The following RTN4RL2 variants were observed in gnomAD, a reference collection of about 807,000 sequenced individuals.
RTN4RL2 encodes the protein reticulon 4 receptor like 2.
A neutral mutation model predicts 27.8 loss-of-function variants in RTN4RL2; 9 were observed. The ratio of observed to expected loss-of-function variants is 0.32; its 90% CI spans 0.20 to 0.57. The LOEUF (loss-of-function observed/expected upper bound fraction) is 0.57. Ranked by LOEUF, RTN4RL2 falls within the 20% of genes least tolerant of loss-of-function variation. The pLI, the probability that RTN4RL2 is intolerant of heterozygous loss-of-function variation, is 0.90. For synonymous variants in RTN4RL2, 285 were observed against 297.9 expected (o/e 0.96, Z 0.45); for missense variants, 436 against 596.8 (o/e 0.73, Z 2.81).
intron 1 of RTN4RL2, among the ~76,000 whole-genome samples, chr11:57,466,935 T>G (rs965670527): frequency 3.9e-5 from 6 of 152,184 alleles, no homozygotes. Flanking sequence ...CGAGGAACTA[T>G]CCGGCCCAAC....
chr11:57,469,630 A>G (rs530265573), intron 2 of RTN4RL2, among the ~76,000 whole-genome samples: 2 of 152,368 alleles, frequency 1.3e-5, no homozygotes, highest in Admixed American at 6.5e-5. Flanking sequence ...TATTTTAAAA[A>G]AAGAAACGAG....
At chr11:57,471,598 G>A (rs527567552) in intron 2 of RTN4RL2, among the ~76,000 whole-genome samples, 1 of 152,380 alleles carries the variant, frequency 6.6e-6, no homozygotes, top group African/African-American at 2.4e-5. Flanking sequence ...GGGTGCAGGT[G>A]TGACCCAAGA....
chr11:57,477,093 T>G lies in RTN4RL2; in HGVS notation c.*182T>G, dbSNP rs1272312120. 2.0e-5 allele frequency: 11 copies of G among 559,604 alleles called. No individual in the cohort carries two copies. In the East Asian group the frequency reaches 3.5e-4, roughly 18 times the overall value. 34.7% of individuals were successfully genotyped at this position (559,604 alleles called of 1,614,324 possible). On this transcript the variant is annotated 3_prime_UTR_variant, in exon 3 of 3. Transcript: ENST00000335099. ...TGCCTGCCCCCTGGGCTGTCCTGAC[T>G]TGTGGCAGCCCCAAGAGGGCGTGTG... is the stretch of plus-strand genomic sequence containing the variant.
chr11:57,462,112 T>C lies in RTN4RL2; in HGVS notation c.31+1216T>C, dbSNP rs543421126. Among the ~76,000 whole-genome samples the C allele has an allele frequency of 9.9e-5, 15 of 152,098 alleles. No homozygotes were observed. The South Asian group carries it at 1.5e-3, about 15-fold the overall frequency. ...GGACTTTGGAAGGGGAGTGACAGCC[T>C]CCGAGGGTGGGCAAACAGGCTGGCT... On this transcript the variant is annotated intron_variant, in intron 1 of 2. Coordinates refer to ENST00000335099, the MANE Select transcript of RTN4RL2 (RefSeq NM_178570.3).
chr11:57,468,472 G>C (rs757791360), intron 2 of RTN4RL2: 1 of 1,212,980 alleles, frequency 8.2e-7, no homozygotes, highest in African/African-American at 1.5e-5. Context: ...CACCCACTCC[G>C]CATACACCCC....
At chr11:57,475,216 A>T (rs1454156163) in intron 2 of RTN4RL2, among the ~76,000 whole-genome samples, 3 of 152,208 alleles carry the variant, frequency 2.0e-5, no homozygotes, top group Admixed American at 6.5e-5. Flanking sequence ...ATAATAAGGA[A>T]TATTGTACAT....
chr11:57,468,149 C>T, intron 2 of RTN4RL2, 59 bp downstream of exon 2: 1 of 1,523,994 alleles, frequency 6.6e-7, no homozygotes, highest in Non-Finnish European at 8.8e-7. Context: ...CTGTGGGCCC[C>T]TCTGCTCCCC....
At chr11:57,470,817 T>A (rs893909016) in intron 2 of RTN4RL2, among the ~76,000 whole-genome samples, 1 of 152,176 alleles carries the variant, frequency 6.6e-6, no homozygotes, top group Non-Finnish European at 1.5e-5. Context: ...TCTGACTTAT[T>A]TAACTTTAAG....
chr11:57,465,293 C>A (rs888966783), intron 1 of RTN4RL2, among the ~76,000 whole-genome samples: 21 of 152,364 alleles, frequency 1.4e-4, no homozygotes, highest in African/African-American at 4.8e-4. Flanking sequence ...ATCACAGATA[C>A]ATACACACAT....
rs7126775 is a variant in RTN4RL2 at position 57,467,451 on chromosome 11, C to G, written c.32-158C>G. Among the ~76,000 whole-genome samples, 3,463 of 152,084 alleles carry G rather than the reference C, an allele frequency of 0.023. 149 individuals carry two copies. The highest frequency in any genetic ancestry group is 0.079 in the African/African-American group (3,294 of 41,466). On this transcript the variant is annotated intron_variant, in intron 1 of 2. Coordinates refer to ENST00000335099, the MANE Select transcript of RTN4RL2 (RefSeq NM_178570.3). The surrounding 1 kb of genome is among the most constrained non-coding windows in gnomAD (Gnocchi z 5.5). Reference sequence around the variant, plus strand: ...ATAGTCTCAAACTCCTGGCCTCAAGCAATCCTCCTGCCTTGGCCTCCCAAA... The same window carrying G: ...ATAGTCTCAAACTCCTGGCCTCAAGGAATCCTCCTGCCTTGGCCTCCCAAA...
intron 2 of RTN4RL2, among the ~76,000 whole-genome samples, chr11:57,473,082 G>A (rs531621086): frequency 9.2e-5 from 14 of 152,268 alleles, no homozygotes; most frequent in Admixed American, 6.5e-4. Flanking sequence ...CATGGTAAGA[G>A]CTCAATCAGT....
chr11:57,477,168 T>G lies in RTN4RL2; in HGVS notation c.*257T>G. On this transcript the variant is annotated 3_prime_UTR_variant, in exon 3 of 3. Transcript: ENST00000335099. ...AGTTCTGGCCATTAACTCTTCCCCA[T>G]CCCAAGGCTGGGGTGGGGCCCCCCA... 2.5e-6 allele frequency: 1 copy of G among 393,338 alleles called. No individual in the cohort carries two copies. Among genetic ancestry groups the G allele is most frequent in the Non-Finnish European group, 4.5e-6 (1 of 222,694 alleles). 24.4% of individuals were successfully genotyped at this position (393,338 alleles called of 1,614,324 possible).
chr11:57,476,049 T>C lies in RTN4RL2; in HGVS notation c.514-113T>C. ...ATGCTATGAATCAAAAGGTCAACCC[T>C]TTCTCTTCTGCCACGGTGCACCCCC... On this transcript the variant is annotated intron_variant, in intron 2 of 2. Coordinates refer to ENST00000335099, the MANE Select transcript of RTN4RL2 (RefSeq NM_178570.3). The surrounding 1 kb of genome is among the most constrained non-coding windows in gnomAD (Gnocchi z 8.2). 9.7e-7 allele frequency: 1 copy of C among 1,033,074 alleles called. No homozygotes were observed. The highest frequency in any genetic ancestry group is 1.4e-6 in the Non-Finnish European group (1 of 697,222). The allele number at this position is 1,033,074 out of a possible 1,614,324, so 64.0% of individuals were successfully genotyped here. A position where few individuals can be genotyped will look rare whatever the true frequency, so the allele number is the denominator to read the frequency against.
chr11:57,471,243 GAAAA>G (rs58993967), intron 2 of RTN4RL2, among the ~76,000 whole-genome samples: 8 of 135,240 alleles, frequency 5.9e-5, no homozygotes, highest in Non-Finnish European at 1.1e-4. Flanking sequence ...CTCAAAAAAG[GAAAA>G]AAAAAAAAAA....
chr11:57,468,063 C>T lies in RTN4RL2; in HGVS notation c.486C>T (p.Leu162=). 1 of 1,597,318 alleles carries T rather than the reference C, an allele frequency of 6.3e-7. No homozygotes were observed. The highest frequency in any genetic ancestry group is 8.5e-7 in the Non-Finnish European group (1 of 1,178,242). ...RGLVSLQYLY[L]QENSLLHLQD... ...TGGTCAGCCTGCAGTACCTCTACCTCCAGGAGAACAGCCTGCTCCACCTAC... is the reference window on the plus strand; with the variant it reads ...TGGTCAGCCTGCAGTACCTCTACCTTCAGGAGAACAGCCTGCTCCACCTAC... The change falls in exon 2 of 3, where the codon CTC becomes CTT. Residue 162 remains leucine, a synonymous_variant. Coordinates refer to ENST00000335099, the MANE Select transcript of RTN4RL2 (RefSeq NM_178570.3).
At chr11:57,469,638 G>T (rs996505245) in intron 2 of RTN4RL2, among the ~76,000 whole-genome samples, 2 of 152,102 alleles carry the variant, frequency 1.3e-5, no homozygotes, top group African/African-American at 4.8e-5. Flanking sequence ...AAAAAGAAAC[G>T]AGCCTTATTT....
intron 1 of RTN4RL2, among the ~76,000 whole-genome samples, chr11:57,464,073 G>A (rs1469845123): frequency 6.6e-6 from 1 of 152,258 alleles, no homozygotes; most frequent in African/African-American, 2.4e-5. Context: ...TGTTATGGAG[G>A]AGCCCCCAGC....
At position 57,468,637 on chromosome 11, in the gene RTN4RL2, G is replaced by GAT. The variant is rs764929650; in HGVS notation, c.513+548_513+549insTA. On this transcript the variant is annotated intron_variant, in intron 2 of 2. Transcript: ENST00000335099. ...TCTGCCCACATCACGGTGAAGTAGA[G>GAT]AGAGAAGGCAGAGCCACAGCCACTG... 5 of 1,536,326 alleles carry GAT rather than the reference G, an allele frequency of 3.3e-6. No homozygotes were observed. The South Asian group carries it at 5.9e-5, about 18-fold the overall frequency.
chr11:57,476,491 G>A lies in RTN4RL2; in HGVS notation c.843G>A (p.Val281=). ...PLWAWFQRAR[V]SSSDVTCATP... is the part of the protein sequence containing the mutation. ...GGGCCTGGTTCCAGCGCGCGCGCGT[G>A]TCCAGCTCCGACGTGACCTGCGCCA... The change falls in exon 3 of 3, where the codon GTG becomes GTA. Residue 281 remains valine (V), a synonymous_variant. Coordinates refer to ENST00000335099, the MANE Select transcript of RTN4RL2 (RefSeq NM_178570.3). This position sits in a 1 kb window ranked among gnomAD's most constrained non-coding sequence, Gnocchi z 8.2. 6.6e-7 allele frequency: 1 copy of A among 1,517,818 alleles called. No individual in the cohort carries two copies. Among genetic ancestry groups the A allele is most frequent in the South Asian group, 1.2e-5 (1 of 81,376 alleles). 94.0% of individuals were successfully genotyped at this position (1,517,818 alleles called of 1,614,324 possible). A position where few individuals can be genotyped will look rare whatever the true frequency, so the allele number is the denominator to read the frequency against.
Sources: gnomAD v4.1 joint callset for allele counts (sites outside exome capture counted in the v4.1 genomes callset) on GRCh38, gnomAD v4.1.1 for gene constraint, Gnocchi (gnomAD v3.1) non-coding constraint, MANE v1.5 for transcripts, NCBI Gene and HGNC (gene_info 2026-07-23, HGNC 2026-07-21) for gene names.